SWAP70: variants seen among roughly 807,000 people sequenced by gnomAD.
SWAP70 encodes switch-associated protein 70.
SWAP70 carries 34 observed loss-of-function variants against 80.2 expected under a neutral mutation model. The ratio of observed to expected loss-of-function variants is 0.42; its 90% confidence interval spans 0.32 to 0.56. SWAP70 has a LOEUF of 0.56. Ranked by LOEUF, SWAP70 falls within the 20% of genes least tolerant of loss-of-function variation. The pLI is 0.09. For synonymous variants in SWAP70, 239 were observed against 238.5 expected, an observed-to-expected ratio of 1.00 and a Z score of -0.02; for missense variants, 578 against 690.7, an observed-to-expected ratio of 0.84 and a Z score of 1.83.
At chr11:9,719,852 A>G (rs907204880) in intron 3 of SWAP70, among the ~76,000 whole-genome samples, 1 of 152,210 alleles carries the variant, frequency 6.6e-6, no homozygotes, top group Non-Finnish European at 1.5e-5. Flanking sequence ...ATTGAACCTG[A>G]AATAGTTTTA....
At chr11:9,747,646 G>A (rs1851528946) in intron 9 of SWAP70, among the ~76,000 whole-genome samples, 1 of 152,220 alleles carries the variant, frequency 6.6e-6, no homozygotes. Flanking sequence ...TTTCACAAAC[G>A]GGTGAAACTG....
intron 1 of SWAP70, 40 bp downstream of exon 1, chr11:9,664,318 C>T: frequency 6.5e-7 from 1 of 1,538,640 alleles, no homozygotes; most frequent in Non-Finnish European, 8.8e-7. Context: ...CGACCCTCCC[C>T]GGCGCGCTCT....
chr11:9,713,868 C>G (rs1290983032), intron 3 of SWAP70, among the ~76,000 whole-genome samples: 1 of 152,176 alleles, frequency 6.6e-6, no homozygotes, highest in Admixed American at 6.5e-5. Context: ...CTCTAAATGG[C>G]TATGATGATA....
In SWAP70 at chr11:9,740,469, C is replaced by T. The variant is rs766285115; in HGVS notation, c.1355+122C>T. 61 of 999,196 alleles carry T rather than the reference C, an allele frequency of 6.1e-5. No individual in the cohort carries two copies. The Admixed American group carries it at 9.4e-4, about 15-fold the overall frequency. The allele number at this position is 999,196 out of a possible 1,614,324, so 61.9% of individuals were successfully genotyped here. Reference sequence around the variant, plus strand: ...TCTCTGCTCTGGCTGTGACTGAGCTCGAGGTGCTGTCCAGATTAGAAAGAC... The same window carrying T: ...TCTCTGCTCTGGCTGTGACTGAGCTTGAGGTGCTGTCCAGATTAGAAAGAC... On this transcript the variant is annotated intron_variant, in intron 9 of 11. Coordinates refer to ENST00000318950, the MANE Select transcript of SWAP70 (RefSeq NM_015055.4).
At chr11:9,671,524 A>AATATATTTCTG (rs1850389834) in intron 1 of SWAP70, among the ~76,000 whole-genome samples, 1 of 56,646 alleles carries the variant, frequency 1.8e-5, no homozygotes, top group Non-Finnish European at 3.5e-5. Context: ...ATATATATAA[A>AATATATTTCTG]TATATAAATA....
chr11:9,691,129 G>T (rs368860045), intron 1 of SWAP70, among the ~76,000 whole-genome samples: 1 of 152,124 alleles, frequency 6.6e-6, no homozygotes, highest in Non-Finnish European at 1.5e-5. Context: ...TGTTGTCCAG[G>T]TTGGTATTGA....
chr11:9,745,438 T>C (rs1377695703), intron 9 of SWAP70, among the ~76,000 whole-genome samples: 4 of 152,254 alleles, frequency 2.6e-5, no homozygotes, highest in South Asian at 2.1e-4. Flanking sequence ...ATGATGATTT[T>C]AGACCAAGAA....
At chr11:9,706,929 C>T (rs1590028918) in intron 2 of SWAP70, among the ~76,000 whole-genome samples, 1 of 151,656 alleles carries the variant, frequency 6.6e-6, no homozygotes, top group East Asian at 1.9e-4. Context: ...TAGCTATCTC[C>T]TACAGGAAGG....
chr11:9,736,320 A>C (rs1851362072), intron 7 of SWAP70, among the ~76,000 whole-genome samples: 1 of 152,034 alleles, frequency 6.6e-6, no homozygotes, highest in South Asian at 2.1e-4. Context: ...AACTGCTTTG[A>C]AGTCTTCATA....
chr11:9,694,072 C>T, intron 1 of SWAP70, 74 bp from the exon 2 acceptor site: 1 of 1,468,244 alleles, frequency 6.8e-7, no homozygotes, highest in East Asian at 2.5e-5. Context: ...GAGGGAGCAG[C>T]ATGTTGTACT....
intron 1 of SWAP70, among the ~76,000 whole-genome samples, chr11:9,671,758 A>ATTTC: frequency 2.9e-5 from 1 of 34,814 alleles, no homozygotes; most frequent in Non-Finnish European, 6.6e-5. Context: ...ATAAATATAT[A>ATTTC]AATATATAAT....
At chr11:9,688,869 T>TAA (rs1850662764) in intron 1 of SWAP70, among the ~76,000 whole-genome samples, 2 of 152,106 alleles carry the variant, frequency 1.3e-5, no homozygotes, top group Non-Finnish European at 2.9e-5. Context: ...GGGCAGGACT[T>TAA]AGAGTAGACA....
At chr11:9,739,080 G>A (rs1005738687) in intron 8 of SWAP70, among the ~76,000 whole-genome samples, 3 of 152,190 alleles carry the variant, frequency 2.0e-5, no homozygotes, top group Non-Finnish European at 4.4e-5. Flanking sequence ...AGCAAGGATG[G>A]CGGGGGTGAG....
intron 7 of SWAP70, among the ~76,000 whole-genome samples, chr11:9,737,679 C>T (rs926678799): frequency 3.3e-5 from 5 of 152,068 alleles, no homozygotes; most frequent in South Asian, 4.1e-4. Flanking sequence ...GGGCGGATCA[C>T]GAGGTCAAGA....
intron 3 of SWAP70, among the ~76,000 whole-genome samples, chr11:9,715,366 G>T (rs1377124284): frequency 1.3e-5 from 2 of 152,038 alleles, no homozygotes. Flanking sequence ...ATGCAATTTG[G>T]TCTGTCCTAT....
At chr11:9,740,416 C>CT in intron 9 of SWAP70, 69 bp downstream of exon 9, 2 of 1,476,472 alleles carry the variant, frequency 1.4e-6, no homozygotes, top group Non-Finnish European at 9.5e-7. Flanking sequence ...CTTGGAATGA[C>CT]TAACACTCTG....
Position 9,684,240 on chromosome 11 carries a change from C to G in SWAP70, c.100-9906C>G, listed in dbSNP as rs544196169. 3.3e-5 allele frequency among the ~76,000 whole-genome samples: 5 copies of G among 152,140 alleles called. No individual in the cohort carries two copies. The East Asian group carries it at 5.8e-4, about 18-fold the overall frequency. ...GGGATTGCAGGTGTGCGCCACCATG[C>G]CTTGCTAATTTTTATATTTTTCATA... On this transcript the variant is annotated intron_variant, in intron 1 of 11. Transcript: ENST00000318950.
chr11:9,678,876 T>A (rs1456691607), intron 1 of SWAP70, among the ~76,000 whole-genome samples: 2 of 152,120 alleles, frequency 1.3e-5, no homozygotes, highest in Non-Finnish European at 2.9e-5. Context: ...CTTGTTCCCC[T>A]CCCACAACAC....
At chr11:9,743,354 A>T in intron 9 of SWAP70, among the ~76,000 whole-genome samples, 1 of 151,932 alleles carries the variant, frequency 6.6e-6, no homozygotes, top group Non-Finnish European at 1.5e-5. Flanking sequence ...ATGCCGCAAT[A>T]AACATACTTG....
Sources: gnomAD v4.1 joint callset for allele counts (sites outside exome capture counted in the v4.1 genomes callset) on GRCh38, gnomAD v4.1.1 for gene constraint, MANE v1.5 for transcripts, NCBI Gene and HGNC (gene_info 2026-07-23, HGNC 2026-07-21) for gene names.